Variants in SRSF4 observed in about 807,000 individuals in gnomAD.
SRSF4 encodes the protein serine/arginine-rich splicing factor 4.
In SRSF4, 12 loss-of-function variants were observed where a neutral mutation model predicts 48.8. That is an observed-to-expected ratio of 0.25 (90% CI 0.16 to 0.40). SRSF4 has a LOEUF of 0.40. Among genes scored for constraint, SRSF4 ranks in the 10% least tolerant of loss-of-function variants. SRSF4 has a pLI of 1.00. For synonymous variants in SRSF4, 248 were observed against 232.5 expected, an observed-to-expected ratio of 1.07 and a Z score of -0.61; for missense variants, 466 against 667.1, an observed-to-expected ratio of 0.70 and a Z score of 3.32.
chr1:29,158,313 T>C (rs890094963), intron 3 of SRSF4, among the ~76,000 whole-genome samples: 6 of 152,172 alleles, frequency 3.9e-5, no homozygotes, highest in African/African-American at 1.4e-4. Flanking sequence ...ATTTCACCAG[T>C]AAGGATACAC....
At chr1:29,167,232 T>A (rs930217524) in intron 1 of SRSF4, among the ~76,000 whole-genome samples, 1 of 152,220 alleles carries the variant, frequency 6.6e-6, no homozygotes, top group South Asian at 2.1e-4. Context: ...TGTCACTCTC[T>A]AAACCTGGAA....
intron 4 of SRSF4, among the ~76,000 whole-genome samples, chr1:29,152,604 C>T (rs1672427376): frequency 6.6e-6 from 1 of 152,120 alleles, no homozygotes; most frequent in African/African-American, 2.4e-5. Flanking sequence ...CCTTCAGAAA[C>T]ACCCTTTTCT....
At chr1:29,156,833 G>A (rs1306327813) in intron 3 of SRSF4, among the ~76,000 whole-genome samples, 1 of 152,212 alleles carries the variant, frequency 6.6e-6, no homozygotes, top group Non-Finnish European at 1.5e-5. Context: ...GTGGGGGCCA[G>A]GGGGCCAATT....
chr1:29,181,545 C>A (rs1672957891), intron 1 of SRSF4, 101 bp downstream of exon 1: 1 of 1,063,874 alleles, frequency 9.4e-7, no homozygotes, highest in Non-Finnish European at 1.3e-6. Context: ...AGGCCGGTAG[C>A]CGCTCCGCGC....
chr1:29,151,067 C>T (rs1672401501), intron 4 of SRSF4, among the ~76,000 whole-genome samples: 1 of 152,178 alleles, frequency 6.6e-6, no homozygotes, highest in Non-Finnish European at 1.5e-5. Flanking sequence ...CCAACCAGGA[C>T]TCCTTGGGAA....
intron 2 of SRSF4, 74 bp from the exon 3 acceptor site, chr1:29,159,560 C>A (rs569501858): frequency 2.1e-6 from 2 of 938,026 alleles, no homozygotes; most frequent in Non-Finnish European, 3.3e-6. Context: ...ACACACCCCC[C>A]CTTAAATATA....
intron 1 of SRSF4, chr1:29,170,933 T>C (rs965849680): frequency 6.6e-6 from 1 of 152,214 alleles, no homozygotes; most frequent in African/African-American, 2.4e-5. Flanking sequence ...CTTCAGACAT[T>C]GCGTGCAGTT....
chr1:29,161,335 T>C (rs1007549015), intron 1 of SRSF4, among the ~76,000 whole-genome samples: 3 of 152,228 alleles, frequency 2.0e-5, no homozygotes, highest in African/African-American at 2.4e-5. Flanking sequence ...TCAAGAAATA[T>C]TTAGTTTGGT....
intron 1 of SRSF4, chr1:29,172,660 G>A (rs1280840080): frequency 1.3e-5 from 2 of 152,208 alleles, no homozygotes; most frequent in Non-Finnish European, 1.5e-5. Flanking sequence ...TACACTGCGG[G>A]TGTTAAGTGT....
chr1:29,158,231 C>A (rs545583102), intron 3 of SRSF4, among the ~76,000 whole-genome samples: 1 of 151,720 alleles, frequency 6.6e-6, no homozygotes, highest in African/African-American at 2.4e-5. Context: ...AATCTTAATT[C>A]TTGACACCAA....
chr1:29,174,987 T>TAA (rs147254464), intron 1 of SRSF4, among the ~76,000 whole-genome samples: 61 of 134,184 alleles, frequency 4.5e-4, no homozygotes, highest in South Asian at 2.3e-3. Context: ...GTTTTTTAAT[T>TAA]AAAAAAAAAA....
Position 29,176,504 on chromosome 1 carries a change from GA to G in SRSF4, c.107+5141del, listed in dbSNP as rs202212828. 6.7e-3 allele frequency among the ~76,000 whole-genome samples: 975 copies of G among 146,362 alleles called. 11 individuals are homozygous for G. Among genetic ancestry groups the G allele is most frequent in the Middle Eastern group, 0.028 (8 of 284 alleles). On this transcript the variant is annotated intron_variant, in intron 1 of 5. Coordinates refer to ENST00000373795, the MANE Select transcript of SRSF4 (RefSeq NM_005626.5). Reference sequence around the variant, plus strand: ...CTAAAAACTTTAAAAAAAAAAAAAAGAAAAAAATACTGTAACAGCTCATCTA... The same window carrying G: ...CTAAAAACTTTAAAAAAAAAAAAAAGAAAAAATACTGTAACAGCTCATCTA...
chr1:29,151,285 G>A (rs1231759436), intron 4 of SRSF4, among the ~76,000 whole-genome samples: 1 of 152,188 alleles, frequency 6.6e-6, no homozygotes, highest in Non-Finnish European at 1.5e-5. Context: ...TAAGATACAA[G>A]TTCAATGATA....
chr1:29,149,790 G>C (rs1052729786), intron 5 of SRSF4, among the ~76,000 whole-genome samples: 5 of 151,644 alleles, frequency 3.3e-5, no homozygotes, highest in African/African-American at 1.2e-4. Flanking sequence ...GTCTGTAATC[G>C]CAGTAGTCTG....
intron 1 of SRSF4, among the ~76,000 whole-genome samples, chr1:29,174,487 T>A (rs964732170): frequency 6.6e-6 from 1 of 152,068 alleles, no homozygotes; most frequent in Admixed American, 6.5e-5. Flanking sequence ...ATAACATATG[T>A]ATGTTGGAGT....
chr1:29,150,461 T>C (rs866408714), intron 4 of SRSF4, among the ~76,000 whole-genome samples: 1 of 152,184 alleles, frequency 6.6e-6, no homozygotes, highest in African/African-American at 2.4e-5. Flanking sequence ...ACGGGGTTTC[T>C]CCATGTTGGT....
intron 1 of SRSF4, among the ~76,000 whole-genome samples, chr1:29,175,504 G>C (rs1252460069): frequency 6.7e-6 from 1 of 149,200 alleles, no homozygotes; most frequent in Non-Finnish European, 1.5e-5. Flanking sequence ...GACCATCCTG[G>C]GTAACACAGT....
At chr1:29,150,045 G>T in intron 5 of SRSF4, 58 bp downstream of exon 5, 1 of 1,375,324 alleles carries the variant, frequency 7.3e-7, no homozygotes, top group Non-Finnish European at 1.0e-6. Context: ...AAAAAAAAGT[G>T]AGACAGGGTA....
chr1:29,155,290 T>G (rs1380142010), intron 3 of SRSF4, among the ~76,000 whole-genome samples: 1 of 151,856 alleles, frequency 6.6e-6, no homozygotes, highest in African/African-American at 2.4e-5. Flanking sequence ...ATTAGTCAGG[T>G]GTAGTGGCAC....
Sources: allele counts gnomAD v4.1 joint callset (sites outside exome capture counted in the v4.1 genomes callset), GRCh38; gene constraint gnomAD v4.1.1; transcripts MANE v1.5; gene names NCBI Gene and HGNC (gene_info 2026-07-23, HGNC 2026-07-21).